The following STON2 variants were observed in gnomAD, a reference collection of about 807,000 sequenced individuals.
STON2 encodes the protein stonin 2, also known as stonin-2.
Under a neutral mutation model 65.7 loss-of-function variants are expected in STON2, and 29 were observed. That is an observed-to-expected ratio of 0.44 (90% CI 0.33 to 0.60). STON2 has a LOEUF of 0.60. STON2 is among the 20% of genes least tolerant of loss of function. The pLI, the probability that STON2 is intolerant of heterozygous loss-of-function variation, is 0.03. For missense variants in STON2, 1,054 were observed against 1,118.1 expected (o/e 0.94, Z 0.82); for synonymous variants, 404 against 414.2 (o/e 0.98, Z 0.30).
At chr14:81,427,838 G>A (rs996192633) in intron 1 of STON2, among the ~76,000 whole-genome samples, 18 of 152,254 alleles carry the variant, frequency 1.2e-4, no homozygotes, top group African/African-American at 4.3e-4. Flanking sequence ...TGGCCAGAGT[G>A]CACAGATAGC....
chr14:81,270,282 G>C, intron 7 of STON2: 1 of 751,200 alleles, frequency 1.3e-6, no homozygotes, highest in Non-Finnish European at 1.7e-6. Context: ...ATGGGGTTTC[G>C]CCATGTTGGC....
intron 4 of STON2, among the ~76,000 whole-genome samples, chr14:81,354,154 G>A (rs1898131238): frequency 6.6e-6 from 1 of 152,160 alleles, no homozygotes; most frequent in African/African-American, 2.4e-5. Flanking sequence ...TGCACCCTGT[G>A]GCCTGGCCCA....
intron 4 of STON2, among the ~76,000 whole-genome samples, chr14:81,369,250 A>C (rs897540068): frequency 6.6e-6 from 1 of 152,166 alleles, no homozygotes; most frequent in African/African-American, 2.4e-5. Context: ...GACCCCAACC[A>C]AAACAGGGGA....
intron 2 of STON2, among the ~76,000 whole-genome samples, chr14:81,406,917 G>C (rs1345854903): frequency 6.6e-6 from 1 of 152,036 alleles, no homozygotes; most frequent in East Asian, 1.9e-4. Context: ...CTGCTCTCTG[G>C]TGCCCTGTCC....
At chr14:81,296,831 A>G (rs1416929938) in intron 5 of STON2, among the ~76,000 whole-genome samples, 1 of 152,244 alleles carries the variant, frequency 6.6e-6, no homozygotes, top group Non-Finnish European at 1.5e-5. Flanking sequence ...GATGGCAAAT[A>G]AAGAACAAAT....
chr14:81,268,565 A>T (rs1241086920), intron 7 of STON2, 68 bp from the exon 8 acceptor site: 14 of 1,283,900 alleles, frequency 1.1e-5, no homozygotes, highest in Admixed American at 7.1e-5. Context: ...AAATAAGTAA[A>T]CCAAAACTCC....
intron 5 of STON2, among the ~76,000 whole-genome samples, chr14:81,299,222 A>G (rs1895879335): frequency 6.6e-6 from 1 of 152,212 alleles, no homozygotes; most frequent in African/African-American, 2.4e-5. Flanking sequence ...TTACCCATAC[A>G]TGCACAGAAT....
chr14:81,310,139 T>G (rs1033060000), intron 5 of STON2, among the ~76,000 whole-genome samples: 1 of 152,230 alleles, frequency 6.6e-6, no homozygotes, highest in East Asian at 1.9e-4. Context: ...CTTTATATTA[T>G]GAAAGACAAC....
chr14:81,372,369 A>G (rs907068799), intron 3 of STON2, among the ~76,000 whole-genome samples: 1 of 152,068 alleles, frequency 6.6e-6, no homozygotes, highest in Non-Finnish European at 1.5e-5. Flanking sequence ...GCCTGCCAAT[A>G]TGGCAAAACC....
At chr14:81,271,869 C>T (rs1374854966) in intron 6 of STON2, among the ~76,000 whole-genome samples, 4 of 152,168 alleles carry the variant, frequency 2.6e-5, no homozygotes, top group African/African-American at 9.7e-5. Flanking sequence ...TATGATCTTT[C>T]AGGTCAGAAT....
At chr14:81,392,572 T>C (rs1021863157) in intron 3 of STON2, among the ~76,000 whole-genome samples, 34 of 152,220 alleles carry the variant, frequency 2.2e-4, no homozygotes, top group Non-Finnish European at 7.4e-5. Flanking sequence ...AAAGTGTTAA[T>C]TGAATCTTGT....
At chr14:81,310,575 ATT>A (rs1237144560) in intron 5 of STON2, among the ~76,000 whole-genome samples, 1 of 152,238 alleles carries the variant, frequency 6.6e-6, no homozygotes, top group East Asian at 1.9e-4. Context: ...TCCAGATGTT[ATT>A]CATGAACTAA....
At chr14:81,318,661 GTCAACATGGTAAAACCCCA>G (rs1200446715) in intron 5 of STON2, among the ~76,000 whole-genome samples, 1 of 152,128 alleles carries the variant, frequency 6.6e-6, no homozygotes, top group Non-Finnish European at 1.5e-5. Context: ...GACCAGCCTG[GTCAACATGGTAAAACCCCA>G]TCTCTAGTGA....
intron 4 of STON2, among the ~76,000 whole-genome samples, chr14:81,326,993 A>C (rs779390791): frequency 5.9e-5 from 9 of 152,126 alleles, no homozygotes; most frequent in Non-Finnish European, 1.2e-4. Context: ...CCCCGTCTCT[A>C]CTAAAAATAC....
chr14:81,380,810 G>A (rs1899478825), intron 3 of STON2, among the ~76,000 whole-genome samples: 1 of 152,112 alleles, frequency 6.6e-6, no homozygotes, highest in Non-Finnish European at 1.5e-5. Context: ...AACAGACCCT[G>A]GGGCCCACTT....
chr14:81,329,731 C>A (rs117737522), intron 4 of STON2, among the ~76,000 whole-genome samples: 2,494 of 152,222 alleles, frequency 0.016, 37 homozygotes, highest in Non-Finnish European at 0.026. Context: ...AAGTATGGAT[C>A]AGTCAGCCTA....
upstream of STON2, among the ~76,000 whole-genome samples, chr14:81,404,536 C>G (rs1467318141): frequency 6.6e-6 from 1 of 152,200 alleles, no homozygotes; most frequent in Non-Finnish European, 1.5e-5. Context: ...GACAGGATCT[C>G]ACTCTTGCTC....
At chr14:81,302,748 G>A (rs1173038162) in intron 5 of STON2, among the ~76,000 whole-genome samples, 1 of 152,224 alleles carries the variant, frequency 6.6e-6, no homozygotes, top group Non-Finnish European at 1.5e-5. Flanking sequence ...CCACAAACAG[G>A]CTGTAGGGGA....
At chr14:81,314,209 T>C (rs1269079477) in intron 5 of STON2, among the ~76,000 whole-genome samples, 1 of 152,256 alleles carries the variant, frequency 6.6e-6, no homozygotes, top group African/African-American at 2.4e-5. Context: ...CCAAGGCCAC[T>C]TCCTGGTAGG....
Sources: allele counts gnomAD v4.1 joint callset (sites outside exome capture counted in the v4.1 genomes callset), GRCh38; gene constraint gnomAD v4.1.1; transcripts MANE v1.5; gene names NCBI Gene and HGNC (gene_info 2026-07-23, HGNC 2026-07-21).